Variants in IL15 observed in about 807,000 individuals in gnomAD.
IL15 encodes the protein interleukin-15.
In IL15, 11 loss-of-function variants were observed where a neutral mutation model predicts 19.6. The ratio of observed to expected loss-of-function variants is 0.56; its 90% confidence interval spans 0.35 to 0.93. The LOEUF (loss-of-function observed/expected upper bound fraction) is 0.93, where lower values mean the gene tolerates loss of function less well. Ranked by LOEUF, IL15 falls within the 40% of genes least tolerant of loss-of-function variation. The pLI is 0.01. For synonymous variants in IL15, 58 were observed against 59.6 expected (o/e 0.97, Z 0.12); for missense variants, 197 against 186.5 (o/e 1.06, Z -0.33).
At chr4:141,708,071 T>C (rs1729584580) in intron 2 of IL15, among the ~76,000 whole-genome samples, 1 of 151,996 alleles carries the variant, frequency 6.6e-6, no homozygotes, top group Non-Finnish European at 1.5e-5. Context: ...TTCATGGGAG[T>C]AGGTTGCCAC....
chr4:141,643,967 A>G (rs933675925), intron 1 of IL15, among the ~76,000 whole-genome samples: 2 of 151,466 alleles, frequency 1.3e-5, no homozygotes, highest in African/African-American at 2.4e-5. Context: ...CCTGATGTCA[A>G]TTTCATTCTC....
intron 2 of IL15, among the ~76,000 whole-genome samples, chr4:141,713,660 G>T (rs1729780729): frequency 6.6e-6 from 1 of 152,132 alleles, no homozygotes. Flanking sequence ...GGTTGCATAT[G>T]GCCTTGCTTG....
intron 2 of IL15, among the ~76,000 whole-genome samples, chr4:141,667,816 T>C (rs1021403932): frequency 1.3e-5 from 2 of 152,224 alleles, no homozygotes; most frequent in Admixed American, 1.3e-4. Context: ...ACTTTGAAAG[T>C]TGTCGGAACC....
intron 2 of IL15, among the ~76,000 whole-genome samples, chr4:141,701,137 G>A (rs946494059): frequency 6.6e-6 from 1 of 152,008 alleles, no homozygotes; most frequent in Non-Finnish European, 1.5e-5. Flanking sequence ...TTCTTGGTTT[G>A]GATCCATTGC....
chr4:141,691,993 C>T (rs569369370), intron 2 of IL15, among the ~76,000 whole-genome samples: 54 of 152,372 alleles, frequency 3.5e-4, no homozygotes, highest in African/African-American at 1.3e-3. Flanking sequence ...CAGCAGACTT[C>T]TGTGTTGATG....
intron 2 of IL15, among the ~76,000 whole-genome samples, chr4:141,660,828 A>C (rs149791547): frequency 1.3e-5 from 2 of 152,302 alleles, no homozygotes; most frequent in East Asian, 3.9e-4. Flanking sequence ...CATTAGGTAC[A>C]TTTCCTAGGA....
chr4:141,714,220 C>T (rs990823205), intron 2 of IL15, among the ~76,000 whole-genome samples: 2 of 151,994 alleles, frequency 1.3e-5, no homozygotes. Flanking sequence ...AGCCCCATCC[C>T]CCTTATAACT....
chr4:141,707,474 T>C (rs1308428496), intron 2 of IL15, among the ~76,000 whole-genome samples: 1 of 152,210 alleles, frequency 6.6e-6, no homozygotes, highest in Non-Finnish European at 1.5e-5. Context: ...TTATATTTCC[T>C]TTGTCTCTGC....
chr4:141,658,626 C>G (rs180686974), intron 2 of IL15, among the ~76,000 whole-genome samples: 126 of 151,466 alleles, frequency 8.3e-4, no homozygotes, highest in Middle Eastern at 3.4e-3. Context: ...AGCATGTATA[C>G]TAGATCAAGA....
intron 2 of IL15, among the ~76,000 whole-genome samples, chr4:141,697,185 T>A (rs1382566332): frequency 6.6e-6 from 1 of 152,156 alleles, no homozygotes; most frequent in Non-Finnish European, 1.5e-5. Flanking sequence ...TTGATTTTTG[T>A]ATAAGGCGAG....
chr4:141,654,495 C>T (rs558349708), intron 1 of IL15, among the ~76,000 whole-genome samples: 3 of 152,314 alleles, frequency 2.0e-5, no homozygotes, highest in African/African-American at 7.2e-5. Context: ...TCTCCAGGGA[C>T]TCAGTTTCTT....
At chr4:141,651,986 A>G (rs1242244206) in intron 1 of IL15, among the ~76,000 whole-genome samples, 2 of 152,116 alleles carry the variant, frequency 1.3e-5, no homozygotes, top group East Asian at 1.9e-4. Context: ...GAAAGGGTCA[A>G]AATCTTAAAG....
chr4:141,690,513 A>G lies in IL15; in HGVS notation c.-99-28853A>G, dbSNP rs561475892. 4.6e-5 allele frequency among the ~76,000 whole-genome samples: 7 copies of G among 152,274 alleles called. No homozygotes were observed. In the East Asian group the frequency reaches 1.4e-3, roughly 29 times the overall value. ...CCTGCATATCCAGACAGCCAACAAG[A>G]CCTGATAATTTTCCTATGAAGTATT... On this transcript the variant is annotated intron_variant, in intron 2 of 7. Coordinates refer to ENST00000320650, the MANE Select transcript of IL15 (RefSeq NM_000585.5).
chr4:141,707,835 G>A (rs1579039837), intron 2 of IL15, among the ~76,000 whole-genome samples: 1 of 152,214 alleles, frequency 6.6e-6, no homozygotes, highest in Non-Finnish European at 1.5e-5. Context: ...GGCTACTGCT[G>A]TGCTGGCTGT....
intron 2 of IL15, chr4:141,715,173 A>G (rs72712436): frequency 0.15 from 22,883 of 152,116 alleles, 1,905 homozygotes; most frequent in African/African-American, 0.21. Flanking sequence ...TATTAGTCCT[A>G]TCATAAAAAA....
intron 1 of IL15, among the ~76,000 whole-genome samples, chr4:141,648,065 TA>T (rs1410966525): frequency 6.6e-6 from 1 of 151,966 alleles, no homozygotes; most frequent in African/African-American, 2.4e-5. Context: ...TGATCCAACA[TA>T]TATTCCTGAG....
chr4:141,656,970 G>A (rs1050643720), intron 2 of IL15, among the ~76,000 whole-genome samples: 1 of 152,108 alleles, frequency 6.6e-6, no homozygotes, highest in African/African-American at 2.4e-5. Flanking sequence ...GGTATAACTT[G>A]ATGATGGAGA....
chr4:141,726,785 G>A (rs996673369), intron 5 of IL15, among the ~76,000 whole-genome samples: 12 of 152,020 alleles, frequency 7.9e-5, no homozygotes, highest in African/African-American at 2.9e-4. Context: ...CAAGTTAGGT[G>A]GATCTCCAGG....
At chr4:141,667,358 A>T (rs1420915229) in intron 2 of IL15, among the ~76,000 whole-genome samples, 1 of 152,160 alleles carries the variant, frequency 6.6e-6, no homozygotes, top group Non-Finnish European at 1.5e-5. Flanking sequence ...GTGTGATCTG[A>T]TGCTGTCTCC....
Sources: gnomAD v4.1 joint callset for allele counts (sites outside exome capture counted in the v4.1 genomes callset) on GRCh38, gnomAD v4.1.1 for gene constraint, MANE v1.5 for transcripts, NCBI Gene and HGNC (gene_info 2026-07-23, HGNC 2026-07-21) for gene names.